PCDH15: variants seen among roughly 807,000 people sequenced by gnomAD.
PCDH15 encodes protocadherin related 15.
Under a neutral mutation model 178.5 loss-of-function variants are expected in PCDH15, and 129 were observed. That is an observed-to-expected ratio of 0.72 (90% CI 0.63 to 0.84). PCDH15 has a LOEUF of 0.84. PCDH15 is among the 40% of genes least tolerant of loss of function. The pLI is 0.00. For missense variants in PCDH15, 2,230 were observed against 2,099.9 expected (o/e 1.06, Z -1.21); for synonymous variants, 800 against 732.0 (o/e 1.09, Z -1.50).
At chr10:55,518,023 C>G (rs1362312779) in intron 2 of PCDH15, among the ~76,000 whole-genome samples, 1 of 152,136 alleles carries the variant, frequency 6.6e-6, no homozygotes, top group Admixed American at 6.6e-5. Flanking sequence ...GGCTGAGAGA[C>G]AGGGGCTAAT....
intron 21 of PCDH15, among the ~76,000 whole-genome samples, chr10:53,969,019 GAGA>G (rs1361617586): frequency 1.3e-5 from 2 of 152,186 alleles, no homozygotes; most frequent in South Asian, 2.1e-4. Flanking sequence ...GAGGAGTTGA[GAGA>G]AGAAGGCTTC....
chr10:55,477,415 C>G (rs1245341227), intron 2 of PCDH15, among the ~76,000 whole-genome samples: 1 of 151,842 alleles, frequency 6.6e-6, no homozygotes, highest in Non-Finnish European at 1.5e-5. Flanking sequence ...ATTTGTGAAT[C>G]AGAAGTCAAA....
intron 2 of PCDH15, among the ~76,000 whole-genome samples, chr10:54,954,068 T>C (rs780954359): frequency 1.3e-5 from 2 of 151,280 alleles, no homozygotes; most frequent in Non-Finnish European, 3.0e-5. Context: ...TTCTATATCA[T>C]GTTTTACAAG....
At chr10:54,380,692 T>G (rs1949096276) in intron 3 of PCDH15, among the ~76,000 whole-genome samples, 1 of 76,826 alleles carries the variant, frequency 1.3e-5, no homozygotes, top group African/African-American at 4.8e-5. Context: ...ATATGCTCCA[T>G]ATATATATGC....
intron 21 of PCDH15, among the ~76,000 whole-genome samples, chr10:53,979,463 G>T (rs1238486154): frequency 2.6e-5 from 4 of 152,294 alleles, no homozygotes; most frequent in African/African-American, 7.2e-5. Flanking sequence ...TTTGGGTGAG[G>T]ACACAGCAAA....
At chr10:54,668,672 G>T (rs1448330248) in intron 1 of PCDH15, among the ~76,000 whole-genome samples, 2 of 152,156 alleles carry the variant, frequency 1.3e-5, no homozygotes, top group African/African-American at 4.8e-5. Context: ...AGCAGCCAAG[G>T]TTGACACCAC....
At chr10:54,444,376 T>C (rs190336124) in intron 3 of PCDH15, among the ~76,000 whole-genome samples, 14 of 151,844 alleles carry the variant, frequency 9.2e-5, no homozygotes, top group Non-Finnish European at 1.6e-4. Flanking sequence ...CTTTGTTCTC[T>C]TTGTAGACAC....
chr10:55,423,520 A>G (rs542572705), intron 2 of PCDH15, among the ~76,000 whole-genome samples: 1 of 152,182 alleles, frequency 6.6e-6, no homozygotes, highest in Admixed American at 6.5e-5. Flanking sequence ...TAGTCACACT[A>G]AGAAAGCACA....
chr10:54,974,544 T>C (rs1329757004), intron 2 of PCDH15, among the ~76,000 whole-genome samples: 1 of 151,878 alleles, frequency 6.6e-6, no homozygotes, highest in Non-Finnish European at 1.5e-5. Context: ...TTGGAAATTA[T>C]TTTTATATTC....
At chr10:54,552,966 T>C (rs888834024) in intron 2 of PCDH15, among the ~76,000 whole-genome samples, 4 of 152,208 alleles carry the variant, frequency 2.6e-5, no homozygotes, top group African/African-American at 9.6e-5. Context: ...CAAGTTTATT[T>C]CTTCACTATA....
At chr10:54,063,995 C>T (rs1282974599) in intron 18 of PCDH15, among the ~76,000 whole-genome samples, 3 of 152,164 alleles carry the variant, frequency 2.0e-5, no homozygotes, top group Non-Finnish European at 2.9e-5. Flanking sequence ...TTTGTGTTAC[C>T]GCTCTTTCAT....
In PCDH15 at chr10:54,549,316, C is replaced by T. The variant is rs548675297; in HGVS notation, c.92-21439G>A. 2.0e-5 allele frequency among the ~76,000 whole-genome samples: 3 copies of T among 151,662 alleles called. No homozygotes were observed. The South Asian group carries it at 6.2e-4, about 31-fold the overall frequency. On this transcript the variant is annotated intron_variant, in intron 2 of 37. Coordinates refer to ENST00000644397, the MANE Select transcript of PCDH15 (RefSeq NM_001384140.1). ...CATGAGAAGTTAAGGCTATAAATTG[C>T]CCCCTCAATGCTTTTAGAATCACAT...
At chr10:55,505,003 C>A (rs543151974) in intron 2 of PCDH15, among the ~76,000 whole-genome samples, 2 of 151,310 alleles carry the variant, frequency 1.3e-5, no homozygotes, top group Non-Finnish European at 3.0e-5. Flanking sequence ...AGGAGTTTGT[C>A]ATAAGAGCTA....
intron 18 of PCDH15, among the ~76,000 whole-genome samples, chr10:54,037,953 G>T (rs569963748): frequency 3.9e-5 from 6 of 152,040 alleles, no homozygotes; most frequent in African/African-American, 1.4e-4. Flanking sequence ...ACAGAAATCT[G>T]TCTGTGCAGA....
At chr10:55,270,533 GA>G (rs1360018133) in intron 1 of PCDH15, among the ~76,000 whole-genome samples, 10 of 151,488 alleles carry the variant, frequency 6.6e-5, no homozygotes, top group African/African-American at 2.4e-4. Context: ...CAATGAACTT[GA>G]AAAAAATGTC....
At chr10:54,261,219 A>T (rs2057294094) in intron 8 of PCDH15, among the ~76,000 whole-genome samples, 1 of 152,196 alleles carries the variant, frequency 6.6e-6, no homozygotes, top group South Asian at 2.1e-4. Flanking sequence ...TTATTGTAGG[A>T]TAATAAATAG....
At chr10:55,088,275 T>C (rs1239708807) in intron 2 of PCDH15, among the ~76,000 whole-genome samples, 3 of 142,022 alleles carry the variant, frequency 2.1e-5, no homozygotes, top group Non-Finnish European at 4.6e-5. Flanking sequence ...TGGAAGCATG[T>C]TTTTTTTTTT....
intron 2 of PCDH15, among the ~76,000 whole-genome samples, chr10:55,423,820 A>G (rs1838682898): frequency 6.6e-6 from 1 of 152,230 alleles, no homozygotes; most frequent in East Asian, 1.9e-4. Context: ...TATTCCAATA[A>G]CTTAAATGCT....
At chr10:55,433,332 G>T (rs940445468) in intron 2 of PCDH15, among the ~76,000 whole-genome samples, 1 of 152,138 alleles carries the variant, frequency 6.6e-6, no homozygotes. Flanking sequence ...CATAACCAAA[G>T]ACTGCATGTT....
Sources: gnomAD v4.1 joint callset for allele counts (sites outside exome capture counted in the v4.1 genomes callset) on GRCh38, gnomAD v4.1.1 for gene constraint, MANE v1.5 for transcripts, NCBI Gene and HGNC (gene_info 2026-07-23, HGNC 2026-07-21) for gene names.